Variants in REXO5 observed in about 807,000 individuals in gnomAD.
REXO5 encodes RNA exonuclease 5.
In REXO5, 48 loss-of-function variants were observed where a neutral mutation model predicts 88.5. The ratio of observed to expected loss-of-function variants is 0.54; its 90% CI spans 0.43 to 0.69. REXO5 has a LOEUF of 0.69. REXO5 is among the 30% of genes least tolerant of loss of function. The pLI is 0.00. For synonymous variants in REXO5, 311 were observed against 336.5 expected, an observed-to-expected ratio of 0.92 and a Z score of 0.83; for missense variants, 749 against 912.2, an observed-to-expected ratio of 0.82 and a Z score of 2.30.
intron 13 of REXO5, among the ~76,000 whole-genome samples, chr16:20,836,489 A>G (rs371921966): frequency 6.6e-6 from 1 of 152,180 alleles, no homozygotes; most frequent in Non-Finnish European, 1.5e-5. Flanking sequence ...CTGAATAACT[A>G]TACATTACCT....
At chr16:20,834,723 A>G (rs1344232048) in intron 13 of REXO5, among the ~76,000 whole-genome samples, 1 of 152,064 alleles carries the variant, frequency 6.6e-6, no homozygotes, top group East Asian at 1.9e-4. Flanking sequence ...CTGCTGCAGT[A>G]TCTAATCTAC....
At chr16:20,806,759 T>C in intron 1 of REXO5, 54 bp downstream of exon 1, 1 of 1,044,570 alleles carries the variant, frequency 9.6e-7, no homozygotes, top group Non-Finnish European at 1.4e-6. Flanking sequence ...GGGTGTCCAG[T>C]CCGCGGAACG....
intron 13 of REXO5, 27 bp downstream of exon 13, chr16:20,833,150 G>T: frequency 1.2e-6 from 2 of 1,606,328 alleles, no homozygotes; most frequent in Non-Finnish European, 8.5e-7. Context: ...ACCTTTGCAG[G>T]TTATATTCAA....
chr16:20,807,603 A>C (rs1373707437), intron 2 of REXO5, among the ~76,000 whole-genome samples: 2 of 145,712 alleles, frequency 1.4e-5, no homozygotes, highest in African/African-American at 5.1e-5. Flanking sequence ...AAAAAAAAAA[A>C]AAAAACTGGG....
chr16:20,832,928 A>T (rs1365314912), intron 12 of REXO5, 75 bp from the exon 13 acceptor site: 13 of 1,396,892 alleles, frequency 9.3e-6, no homozygotes, highest in Non-Finnish European at 1.1e-5. Context: ...ATATTGTATA[A>T]TGCAAGTATA....
intron 3 of REXO5, among the ~76,000 whole-genome samples, chr16:20,813,612 C>G (rs1247177414): frequency 6.6e-6 from 1 of 152,124 alleles, no homozygotes; most frequent in East Asian, 1.9e-4. Context: ...GACATGTATA[C>G]TACAATGTCC....
At chr16:20,818,118 C>T (rs1200782117) in intron 5 of REXO5, among the ~76,000 whole-genome samples, 2 of 152,190 alleles carry the variant, frequency 1.3e-5, no homozygotes, top group Non-Finnish European at 2.9e-5. Context: ...TTAACAGAGA[C>T]CTTCTCAGCT....
intron 13 of REXO5, among the ~76,000 whole-genome samples, chr16:20,833,453 G>T (rs1020805252): frequency 1.3e-5 from 2 of 152,026 alleles, no homozygotes; most frequent in Non-Finnish European, 2.9e-5. Flanking sequence ...TATATTTTAT[G>T]TATCATTGCT....
intron 11 of REXO5, among the ~76,000 whole-genome samples, chr16:20,829,509 C>T (rs1322971230): frequency 6.6e-6 from 1 of 152,090 alleles, no homozygotes; most frequent in Non-Finnish European, 1.5e-5. Context: ...CATCATGACT[C>T]CATTATGAAA....
At chr16:20,810,313 T>C (rs1225217016) in intron 2 of REXO5, among the ~76,000 whole-genome samples, 1 of 152,238 alleles carries the variant, frequency 6.6e-6, no homozygotes, top group African/African-American at 2.4e-5. Context: ...ATTTAAATAT[T>C]TTTCTGTATT....
At chr16:20,839,341 A>G (rs2081488983) in intron 13 of REXO5, among the ~76,000 whole-genome samples, 1 of 149,592 alleles carries the variant, frequency 6.7e-6, no homozygotes, top group Non-Finnish European at 1.5e-5. Context: ...GGGTTTTTTT[A>G]TGCTTCATCT....
chr16:20,816,985 A>G (rs984907156), intron 5 of REXO5, among the ~76,000 whole-genome samples: 1 of 152,198 alleles, frequency 6.6e-6, no homozygotes, highest in African/African-American at 2.4e-5. Flanking sequence ...GTTGTGTCCT[A>G]TTGGTAAGTT....
intron 19 of REXO5, among the ~76,000 whole-genome samples, chr16:20,847,530 C>T (rs897467528): frequency 6.6e-6 from 1 of 151,970 alleles, no homozygotes; most frequent in African/African-American, 2.4e-5. Flanking sequence ...AATTCATTTC[C>T]TAGCATAAAG....
intron 2 of REXO5, among the ~76,000 whole-genome samples, chr16:20,809,756 A>G (rs944443600): frequency 2.0e-5 from 3 of 152,336 alleles, no homozygotes; most frequent in Admixed American, 6.5e-5. Flanking sequence ...TTTTTGAGAC[A>G]GGATCTTGCT....
chr16:20,839,754 G>T lies in REXO5; in HGVS notation c.1384-1G>T. ...TATCCAGGCTGTGCTGTTCTCTACAGGTTCTTGAGCAGGCCAGAGTGGAAA... is the reference window on the plus strand; with the variant it reads ...TATCCAGGCTGTGCTGTTCTCTACATGTTCTTGAGCAGGCCAGAGTGGAAA... On this transcript the variant is annotated splice_acceptor_variant, in intron 13 of 19. Coordinates refer to ENST00000261377, the MANE Select transcript of REXO5 (RefSeq NM_030941.3). LOFTEE classifies it high-confidence loss of function. 1 of 1,611,538 alleles carries T rather than the reference G, an allele frequency of 6.2e-7. No individual in the cohort carries two copies. The highest frequency in any genetic ancestry group is 8.5e-7 in the Non-Finnish European group (1 of 1,178,092).
Position 20,825,124 on chromosome 16 carries a change from T to C in REXO5, c.705+597T>C, listed in dbSNP as rs1002843269. ...ATTTTGTTGTTGCTGCCATGAGGAC[T>C]TTGCCTTAATTGTTGGTTTGGCTTA... On this transcript the variant is annotated intron_variant, in intron 7 of 19. Coordinates refer to ENST00000261377, the MANE Select transcript of REXO5 (RefSeq NM_030941.3). 5.3e-5 allele frequency among the ~76,000 whole-genome samples: 8 copies of C among 152,234 alleles called. No homozygotes were observed. In the East Asian group the frequency reaches 5.8e-4, roughly 11 times the overall value.
chr16:20,821,743 T>A lies in REXO5; in HGVS notation c.476-19T>A. 6.4e-7 allele frequency: 1 copy of A among 1,559,004 alleles called. No homozygotes were observed. Among genetic ancestry groups the A allele is most frequent in the Non-Finnish European group, 8.6e-7 (1 of 1,159,568 alleles). On this transcript the variant is annotated intron_variant, in intron 5 of 19. Coordinates refer to ENST00000261377, the MANE Select transcript of REXO5 (RefSeq NM_030941.3). Reference sequence around the variant, plus strand: ...CTTAAACACACATTCTAATATACGTTCAATTGTTTTTCTTTCAGGGCCTTT... The same window carrying A: ...CTTAAACACACATTCTAATATACGTACAATTGTTTTTCTTTCAGGGCCTTT...
intron 4 of REXO5, among the ~76,000 whole-genome samples, chr16:20,815,832 A>T (rs1051683333): frequency 6.6e-6 from 1 of 152,162 alleles, no homozygotes; most frequent in Non-Finnish European, 1.5e-5. Flanking sequence ...GAAATAATAG[A>T]TTTGGAAGAA....
At chr16:20,844,147 A>G (rs1196532259) in intron 16 of REXO5, 121 bp downstream of exon 16, 15 of 643,580 alleles carry the variant, frequency 2.3e-5, no homozygotes, top group Non-Finnish European at 3.9e-5. Flanking sequence ...TTTGTTATGG[A>G]AAGTCTTCAG....
Sources: allele counts gnomAD v4.1 joint callset (sites outside exome capture counted in the v4.1 genomes callset), GRCh38; gene constraint gnomAD v4.1.1; transcripts MANE v1.5; gene names NCBI Gene and HGNC (gene_info 2026-07-23, HGNC 2026-07-21).